The following RALGAPA1 variants were observed in gnomAD, a reference collection of about 807,000 sequenced individuals.
The protein encoded by RALGAPA1 is ral GTPase-activating protein subunit alpha-1.
A neutral mutation model predicts 269.6 loss-of-function variants in RALGAPA1; 52 were observed. The ratio of observed to expected loss-of-function variants is 0.19; its 90% CI spans 0.15 to 0.24. RALGAPA1 has a LOEUF of 0.24. Ranked by LOEUF, RALGAPA1 falls within the 10% of genes least tolerant of loss-of-function variation. The pLI is 1.00. For synonymous variants in RALGAPA1, 817 were observed against 1,008.3 expected, an observed-to-expected ratio of 0.81 and a Z score of 3.60; for missense variants, 1,917 against 3,013.9, an observed-to-expected ratio of 0.64 and a Z score of 8.52.
At chr14:35,750,227 T>C (rs925834343) in intron 9 of RALGAPA1, among the ~76,000 whole-genome samples, 14 of 152,180 alleles carry the variant, frequency 9.2e-5, no homozygotes, top group Admixed American at 2.6e-4. Flanking sequence ...ATTTTTAGTA[T>C]TGTATAATTA....
At chr14:35,622,916 T>A (rs986896316) in intron 35 of RALGAPA1, among the ~76,000 whole-genome samples, 25 of 152,054 alleles carry the variant, frequency 1.6e-4, no homozygotes, top group African/African-American at 5.6e-4. Flanking sequence ...CTGGCCAACA[T>A]GGCAAAACCC....
intron 1 of RALGAPA1, among the ~76,000 whole-genome samples, chr14:35,805,195 G>A (rs182242227): frequency 3.3e-5 from 5 of 151,788 alleles, no homozygotes; most frequent in Middle Eastern, 3.4e-3. Context: ...AGGCTGAGGC[G>A]GGGGGACTGC....
intron 1 of RALGAPA1, among the ~76,000 whole-genome samples, chr14:35,786,105 C>T (rs1475483052): frequency 1.3e-5 from 2 of 151,578 alleles, no homozygotes; most frequent in Non-Finnish European, 2.9e-5. Context: ...TGCAGTGAGC[C>T]GAGATTGTGC....
chr14:35,629,463 C>T (rs1245491261), intron 33 of RALGAPA1, among the ~76,000 whole-genome samples: 1 of 152,106 alleles, frequency 6.6e-6, no homozygotes, highest in Admixed American at 6.5e-5. Flanking sequence ...CCTGTCAGAA[C>T]AACTAAGGAT....
At chr14:35,639,954 A>G (rs1309533671) in intron 31 of RALGAPA1, among the ~76,000 whole-genome samples, 4 of 151,972 alleles carry the variant, frequency 2.6e-5, no homozygotes, top group African/African-American at 7.2e-5. Context: ...AAAAAAAAAA[A>G]AAAGAAATTA....
At chr14:35,758,721 A>C (rs1401748961) in intron 6 of RALGAPA1, among the ~76,000 whole-genome samples, 1 of 152,138 alleles carries the variant, frequency 6.6e-6, no homozygotes, top group African/African-American at 2.4e-5. Flanking sequence ...CTGCACTCTA[A>C]TCTGGGCAAC....
At chr14:35,550,856 T>C (rs528291573) in intron 39 of RALGAPA1, among the ~76,000 whole-genome samples, 1 of 152,318 alleles carries the variant, frequency 6.6e-6, no homozygotes, top group Admixed American at 6.5e-5. Context: ...CATATTAAAA[T>C]GATCAGCATC....
Position 35,541,795 on chromosome 14 carries a change from G to C in RALGAPA1, c.*24-2105C>G, listed in dbSNP as rs920015860. On this transcript the variant is annotated intron_variant, in intron 41 of 41. Coordinates refer to ENST00000680220, the MANE Select transcript of RALGAPA1 (RefSeq NM_001346249.2). ...TTTTGGGAGGAAGAGAACTATCACT[G>C]CATTTCTTTCTTTGTTGTGAATGAA... 1.3e-4 allele frequency: 58 copies of C among 457,234 alleles called. 1 individual carries two copies. In the Admixed American group the frequency reaches 1.3e-3, roughly 11 times the overall value. The allele number at this position is 457,234 out of a possible 1,614,324, so 28.3% of individuals were successfully genotyped here.
chr14:35,587,842 A>G (rs1215898157), intron 37 of RALGAPA1, among the ~76,000 whole-genome samples: 1 of 152,228 alleles, frequency 6.6e-6, no homozygotes, highest in Non-Finnish European at 1.5e-5. Context: ...CGTTGTGCAC[A>G]TGTACTCTAG....
chr14:35,602,801 T>G (rs1198250120), intron 36 of RALGAPA1, among the ~76,000 whole-genome samples: 1 of 152,216 alleles, frequency 6.6e-6, no homozygotes, highest in South Asian at 2.1e-4. Context: ...TTGTGTCTTA[T>G]CTAAAAATCC....
At chr14:35,644,486 G>A (rs558689639) in intron 31 of RALGAPA1, among the ~76,000 whole-genome samples, 7 of 152,296 alleles carry the variant, frequency 4.6e-5, no homozygotes, top group African/African-American at 1.7e-4. Context: ...ACTGAAGTGG[G>A]AAAGGGGGAC....
At chr14:35,766,514 C>T (rs1595481906) in intron 4 of RALGAPA1, 2 of 1,214,382 alleles carry the variant, frequency 1.6e-6, no homozygotes, top group East Asian at 4.7e-5. Context: ...TTGTCTGCTA[C>T]CATCTATTGT....
chr14:35,725,667 A>G (rs1288372449), intron 13 of RALGAPA1, among the ~76,000 whole-genome samples: 1 of 152,014 alleles, frequency 6.6e-6, no homozygotes, highest in Non-Finnish European at 1.5e-5. Context: ...ATAGATCACA[A>G]AGAAGCCTGG....
At chr14:35,772,219 ATTTT>A (rs888772228) in intron 3 of RALGAPA1, among the ~76,000 whole-genome samples, 1 of 151,796 alleles carries the variant, frequency 6.6e-6, no homozygotes, top group African/African-American at 2.4e-5. Context: ...GCCCAGCTAA[ATTTT>A]TTTTACTATT....
At chr14:35,679,207 T>G (rs1595106024) in intron 21 of RALGAPA1, among the ~76,000 whole-genome samples, 2 of 152,364 alleles carry the variant, frequency 1.3e-5, no homozygotes, top group African/African-American at 4.8e-5. Context: ...AAACAGTAGG[T>G]CTTTTTATTT....
chr14:35,621,616 T>C (rs941419640), intron 35 of RALGAPA1, among the ~76,000 whole-genome samples: 10 of 152,218 alleles, frequency 6.6e-5, no homozygotes, highest in Middle Eastern at 3.4e-3. Context: ...TCTACCCTTC[T>C]GACAAAGGGC....
At position 35,738,619 on chromosome 14, in the gene RALGAPA1, C is replaced by T. The variant is rs370292880; in HGVS notation, c.1481G>A (p.Arg494Gln). Reference sequence around the variant, plus strand: ...GCCGTTTTTTGCCCAACTGGAATTTCGAACATGATCAGCAGTATTGGTCCC... The same window carrying T: ...GCCGTTTTTTGCCCAACTGGAATTTTGAACATGATCAGCAGTATTGGTCCC... ...ENGTNTADHVRNSSWAKNGSY... is the reference protein window; with the variant it reads ...ENGTNTADHVQNSSWAKNGSY... Residue 494 changes from arginine to glutamine, a missense_variant, in exon 12 of 42, where the codon CGA becomes CAA. Arg to Gln is a conservative substitution (Grantham distance 43). This residue lies in a region of RALGAPA1 where 462 missense variants were observed against 725.6 expected (regional missense o/e 0.64). Coordinates refer to ENST00000680220, the MANE Select transcript of RALGAPA1 (RefSeq NM_001346249.2). The T allele has an allele frequency of 5.6e-5, 90 of 1,612,118 alleles. No individual in the cohort carries two copies. Among genetic ancestry groups the T allele is most frequent in the Middle Eastern group, 3.3e-4 (2 of 6,046 alleles).
rs1451216074 is a variant in RALGAPA1, at chr14:35,689,730, G to A, written c.2681C>T (p.Thr894Ile). The A allele has an allele frequency of 5.4e-6, 8 of 1,474,168 alleles. No homozygotes were observed. In the Admixed American group the frequency reaches 1.3e-4, roughly 25 times the overall value. 91.3% of individuals were successfully genotyped at this position (1,474,168 alleles called of 1,614,324 possible). Residue 894 changes from threonine (T) to isoleucine (I), a missense_variant, in exon 18 of 42, where the codon ACT (threonine) becomes ATT (isoleucine). By Grantham distance (89) the Thr-to-Ile change is moderately conservative. This residue lies in a region of RALGAPA1 where 615 missense variants were observed against 790.0 expected (regional missense o/e 0.78). Transcript: ENST00000680220. ...TRSTESHITD[T>I]HSRESSLEVG... ...TTCCAGAGAAGACTCTCTACTATGA[G>A]TATCAGTGATGTGGCTTTCAGTGGA...
intron 16 of RALGAPA1, among the ~76,000 whole-genome samples, chr14:35,708,426 A>G (rs1336583496): frequency 6.6e-6 from 1 of 152,188 alleles, no homozygotes; most frequent in Non-Finnish European, 1.5e-5. Flanking sequence ...TAATAATCCA[A>G]TTAAAAATGG....
Sources: allele counts gnomAD v4.1 joint callset (sites outside exome capture counted in the v4.1 genomes callset), GRCh38; gene constraint gnomAD v4.1.1; regional missense constraint gnomAD v4.1.1; transcripts MANE v1.5; gene names NCBI Gene and HGNC (gene_info 2026-07-23, HGNC 2026-07-21).